The following CIAO3 variants were observed in gnomAD, a reference collection of about 807,000 sequenced individuals.
CIAO3 encodes cytosolic iron-sulfur assembly component 3, also known as LET1 like/JFP15.
Under a neutral mutation model 51.5 loss-of-function variants are expected in CIAO3, and 45 were observed. The ratio of observed to expected loss-of-function variants is 0.87; its 90% confidence interval spans 0.69 to 1.12. The LOEUF is 1.12. Ranked by LOEUF, CIAO3 falls within the 50% of genes most tolerant of loss-of-function variation. The pLI is 0.00. For synonymous variants in CIAO3, 314 were observed against 269.3 expected (o/e 1.17, Z -1.63); for missense variants, 668 against 632.5 (o/e 1.06, Z -0.60).
intron 3 of CIAO3, among the ~76,000 whole-genome samples, chr16:736,716 T>C (rs960895359): frequency 2.0e-4 from 31 of 151,988 alleles, no homozygotes; most frequent in African/African-American, 6.5e-4. Context: ...CAGGCTGGTG[T>C]GTAATGGCGC....
chr16:734,796 C>A lies in CIAO3; in HGVS notation c.515G>T (p.Arg172Leu). ...LLESQREFVR[R>L]FRGQADCRQA... The stretch of plus-strand genomic sequence containing the variant: ...TCTGCAGTCGGCCTGTCCTCGGAAT[C>A]GCCGCACAAACTCTCGCTGGCTCTC... Residue 172 changes from arginine to leucine, a missense_variant, in exon 5 of 11, where the codon CGA becomes CTA. By Grantham distance (102) the Arg-to-Leu change is moderately radical (BLOSUM62 -2). Transcript: ENST00000251588. 1 of 1,607,832 alleles carries A rather than the reference C, an allele frequency of 6.2e-7. No individual in the cohort carries two copies. The highest frequency in any genetic ancestry group is 8.5e-7 in the Non-Finnish European group (1 of 1,176,104).
chr16:734,706 G>A, intron 5 of CIAO3, 31 bp downstream of exon 5: 5 of 1,612,552 alleles, frequency 3.1e-6, no homozygotes, highest in Non-Finnish European at 3.4e-6. Flanking sequence ...ACTTGAACTT[G>A]ACTCTCCCAC....
Position 737,273 on chromosome 16 carries a change from C to A in CIAO3, c.219G>T (p.Ala73=), listed in dbSNP as rs746463139. 1.2e-6 allele frequency: 2 copies of A among 1,613,490 alleles called. No homozygotes were observed. Among genetic ancestry groups the A allele is most frequent in the East Asian group, 2.2e-5 (1 of 44,886 alleles). ...CTGCGGAGGTGATGCAGCCGCTGCA[C>A]GCCAGGCAGTCGTTTAGCGAGACCT... ...KAKVSLNDCL[A]CSGCITSAET... The change falls in exon 3 of 11, where the codon GCG becomes GCT. Residue 73 remains alanine (A), a synonymous_variant. Transcript: ENST00000251588. This position sits in a 1 kb window ranked among gnomAD's most constrained non-coding sequence, Gnocchi z 5.3.
Position 738,993 on chromosome 16 carries a change from A to G in CIAO3, c.162+650T>C, listed in dbSNP as rs2041366013. ...TCTTATCACTTAGAGAGGAAGTACT[A>G]TTCTTTAAGAATGAGGGGTCTGGGC... On this transcript the variant is annotated intron_variant, in intron 2 of 10. Transcript: ENST00000251588. 3.4e-5 allele frequency among the ~76,000 whole-genome samples: 5 copies of G among 146,488 alleles called. No individual in the cohort carries two copies. The South Asian group carries it at 1.2e-3, about 34-fold the overall frequency.
At chr16:740,166 T>C (rs1396716696) in intron 1 of CIAO3, 1 of 1,248,374 alleles carries the variant, frequency 8.0e-7, no homozygotes, top group Non-Finnish European at 1.1e-6. Context: ...CTCTTCTCCT[T>C]GAGAACCCTG....
chr16:730,868 G>T lies in CIAO3; in HGVS notation c.1167C>A (p.Tyr389Ter), dbSNP rs748445700. 2.5e-6 allele frequency: 4 copies of T among 1,612,752 alleles called. No individual in the cohort carries two copies. The highest frequency in any genetic ancestry group is 1.7e-5 in the Admixed American group (1 of 59,994). ...RLKRGRCPYH[Y>*]VEVMACPSGC... is the part of the protein sequence containing the mutation. ...CTGAGGGGCAGGCCATGACCTCCAC[G>T]TAGTGGTAGGGGCAGCGCCCTCGTT... is the stretch of plus-strand genomic sequence containing the variant. Residue 389 changes from tyrosine (Y) to a stop codon, truncating the protein, a stop_gained, in exon 10 of 11, where the codon TAC becomes TAA. Coordinates refer to ENST00000251588, the MANE Select transcript of CIAO3 (RefSeq NM_022493.3). LOFTEE classifies it low-confidence loss of function (END_TRUNC).
rs1324974281 is a variant in CIAO3 at position 734,221 on chromosome 16, G to A, written c.693+8C>T. 6 of 1,609,042 alleles carry A rather than the reference G, an allele frequency of 3.7e-6. No homozygotes were observed. The highest frequency in any genetic ancestry group is 1.3e-5 in the African/African-American group (1 of 75,006). ...AGCCTGAGTCTGGGGCTGGCCCAAC[G>A]CCGTTACCTGCTGCTGGGCGAAGAA... On this transcript the variant is annotated splice_region_variant and intron_variant, in intron 6 of 10. Coordinates refer to ENST00000251588, the MANE Select transcript of CIAO3 (RefSeq NM_022493.3).
chr16:732,732 G>A (rs1216548000), intron 7 of CIAO3: 3 of 357,756 alleles, frequency 8.4e-6, no homozygotes, highest in Admixed American at 3.8e-5. Flanking sequence ...TGCCCCCCGG[G>A]ATCAAGTGAC....
Position 730,514 on chromosome 16 carries a change from C to T in CIAO3, c.1334G>A (p.Trp445Ter), listed in dbSNP as rs1162335707. The T allele has an allele frequency of 6.2e-7, 1 of 1,610,662 alleles. No individual in the cohort carries two copies. The highest frequency in any genetic ancestry group is 1.7e-5 in the Admixed American group (1 of 60,036). ...ACACTCCGAGTCCGTGCCCTGCAGC[C>T]AGTGTGTGTACAGCTCCTGAACCCC... ...APGVQELYTH[W>*]LQGTDSECAG... Residue 445 changes from tryptophan (W) to a stop codon, truncating the protein, a stop_gained, in exon 11 of 11, where the codon TGG (tryptophan) becomes TAG (stop). Transcript: ENST00000251588. LOFTEE classifies it low-confidence loss of function (END_TRUNC).
rs1596675181 is a variant in CIAO3, at chr16:737,781, A to G, written c.163-452T>C. The G allele has an allele frequency of 8.2e-7, 1 of 1,215,842 alleles. No individual in the cohort carries two copies. Among genetic ancestry groups the G allele is most frequent in the East Asian group, 5.9e-5 (1 of 17,064 alleles). The allele number at this position is 1,215,842 out of a possible 1,614,324, so 75.3% of individuals were successfully genotyped here. On this transcript the variant is annotated intron_variant, in intron 2 of 10. Coordinates refer to ENST00000251588, the MANE Select transcript of CIAO3 (RefSeq NM_022493.3). The surrounding 1 kb of genome is among the most constrained non-coding windows in gnomAD (Gnocchi z 5.3). ...GGAGAGCAGAGGGAGGAAGCCTGGGAGCCTGGCCTCCGGTGGGCGGGGCAG... is the reference window on the plus strand; with the variant it reads ...GGAGAGCAGAGGGAGGAAGCCTGGGGGCCTGGCCTCCGGTGGGCGGGGCAG...
intron 9 of CIAO3, chr16:731,308 C>T (rs1271341099): frequency 1.6e-6 from 1 of 611,414 alleles, no homozygotes; most frequent in Non-Finnish European, 2.8e-6. Flanking sequence ...GCACCCATCA[C>T]CTTTGCCCAT....
At chr16:731,467 G>A (rs2041281726) in intron 9 of CIAO3, 98 bp downstream of exon 9, 1 of 1,420,374 alleles carries the variant, frequency 7.0e-7, no homozygotes, top group African/African-American at 1.4e-5. Flanking sequence ...CCTCCACCCA[G>A]CCCACCTCTG....
rs755397931 is a variant in CIAO3 at position 734,887 on chromosome 16, G to A, written c.440-16C>T. ...AAGTGCACCCCTGGAAGGTGAAGGT[G>A]GGTGCCTGGTTAACCCCATGCGGGA... On this transcript the variant is annotated splice_polypyrimidine_tract_variant and intron_variant, in intron 4 of 10. Coordinates refer to ENST00000251588, the MANE Select transcript of CIAO3 (RefSeq NM_022493.3). 1.3e-6 allele frequency: 2 copies of A among 1,539,602 alleles called. No homozygotes were observed. The highest frequency in any genetic ancestry group is 2.3e-5 in the East Asian group (1 of 44,038).
intron 9 of CIAO3, chr16:731,250 T>G: frequency 1.6e-6 from 1 of 624,532 alleles, no homozygotes; most frequent in Non-Finnish European, 2.7e-6. Flanking sequence ...GGGATGTCTG[T>G]GAGGCCCTGG....
At chr16:731,140 A>G (rs1341487529) in intron 9 of CIAO3, 140 bp from the exon 10 acceptor site, 1 of 1,109,386 alleles carries the variant, frequency 9.0e-7, no homozygotes, top group Non-Finnish European at 1.3e-6. Context: ...AGAGGGAAGG[A>G]CAAGAACGGA....
chr16:730,704 G>A (rs1181109710), intron 10 of CIAO3, 49 bp from the exon 11 acceptor site: 4 of 1,590,066 alleles, frequency 2.5e-6, no homozygotes, highest in Admixed American at 1.7e-5. Flanking sequence ...CCCCAGCCAA[G>A]CTTCCTGACC....
Position 736,372 on chromosome 16 carries a change from C to T in CIAO3, c.333G>A (p.Leu111=), listed in dbSNP as rs749128911. The T allele has an allele frequency of 8.1e-6, 13 of 1,612,896 alleles. No individual in the cohort carries two copies. Among genetic ancestry groups the T allele is most frequent in the Non-Finnish European group, 1.0e-5 (12 of 1,179,828 alleles). ...ACTGTGGTGAGACCGAAACTACAAC[C>T]AGCCTCTGCTGACTGGGTGCCGCCA... is the stretch of plus-strand genomic sequence containing the variant. ...NKMAAPSQQR[L]VVVSVSPQSR... is the part of the protein sequence containing the mutation. Residue 111 remains leucine (L), a synonymous_variant, in exon 4 of 11, where the codon CTG becomes CTA. Coordinates refer to ENST00000251588, the MANE Select transcript of CIAO3 (RefSeq NM_022493.3).
Position 734,269 on chromosome 16 carries a change from A to G in CIAO3, c.653T>C (p.Val218Ala). Residue 218 changes from valine (V) to alanine (A), a missense_variant, in exon 6 of 11, where the codon GTC (valine) becomes GCC (alanine). Transcript: ENST00000251588. ...GAAGTCCTTGACCAGGGAGCCCATG[A>G]CCTGCTGCGGGGACCGGGCGGTGCT... is the stretch of plus-strand genomic sequence containing the variant. Reference protein sequence around the residue: ...HISTARSPQQVMGSLVKDFFA... With the variant: ...HISTARSPQQAMGSLVKDFFA... The G allele has an allele frequency of 6.2e-7, 1 of 1,612,004 alleles. No individual in the cohort carries two copies. Among genetic ancestry groups the G allele is most frequent in the Middle Eastern group, 1.7e-4 (1 of 6,060 alleles).
chr16:730,337 GGA>G lies in CIAO3; in HGVS notation c.*78_*79del. The G allele has an allele frequency of 7.1e-7, 1 of 1,407,588 alleles. No individual in the cohort carries two copies. The highest frequency in any genetic ancestry group is 9.8e-7 in the Non-Finnish European group (1 of 1,020,956). The allele number at this position is 1,407,588 out of a possible 1,614,324, so 87.2% of individuals were successfully genotyped here. A position where few individuals can be genotyped will look rare whatever the true frequency, so the allele number is the denominator to read the frequency against. ...CCTGCAGCTCACTCAGAATTTTGGG[GGA>G]AGCCCTGGGGTCTTGGGGCATGTGG... On this transcript the variant is annotated 3_prime_UTR_variant, in exon 11 of 11. Coordinates refer to ENST00000251588, the MANE Select transcript of CIAO3 (RefSeq NM_022493.3).
Sources: allele counts gnomAD v4.1 joint callset (sites outside exome capture counted in the v4.1 genomes callset), GRCh38; gene constraint gnomAD v4.1.1; non-coding constraint Gnocchi (gnomAD v3.1); transcripts MANE v1.5; gene names NCBI Gene and HGNC (gene_info 2026-07-23, HGNC 2026-07-21).